Variants in A2ML1 observed in about 807,000 individuals in gnomAD.
A2ML1 encodes the protein alpha-2-macroglobulin like 1.
A2ML1 carries 161 observed loss-of-function variants against 181.9 expected under a neutral mutation model. That is an observed-to-expected ratio of 0.89 (90% confidence interval 0.78 to 1.01). The LOEUF is 1.01. Among genes scored for constraint, A2ML1 ranks in the 50% least tolerant of loss-of-function variants. A2ML1 has a pLI of 0.00. For missense variants in A2ML1, 1,670 were observed against 1,768.1 expected (o/e 0.94, Z 1.00); for synonymous variants, 663 against 666.8 (o/e 0.99, Z 0.09).
At chr12:8,858,528 G>C (rs1399814384) in intron 26 of A2ML1, among the ~76,000 whole-genome samples, 1 of 152,134 alleles carries the variant, frequency 6.6e-6, no homozygotes, top group Admixed American at 6.5e-5. Flanking sequence ...CAAGCCTGCA[G>C]TGAGCCGTGA....
intron 28 of A2ML1, among the ~76,000 whole-genome samples, chr12:8,861,606 G>A (rs1191230894): frequency 2.0e-5 from 3 of 151,978 alleles, no homozygotes; most frequent in Non-Finnish European, 4.4e-5. Flanking sequence ...TCCTGCCTCA[G>A]CCTCCCCAGT....
At position 8,852,383 on chromosome 12, in the gene A2ML1, G is replaced by T; in HGVS notation, c.2590+47G>T. 1 of 1,610,270 alleles carries T rather than the reference G, an allele frequency of 6.2e-7. No individual in the cohort carries two copies. The highest frequency in any genetic ancestry group is 8.5e-7 in the Non-Finnish European group (1 of 1,177,842). On this transcript the variant is annotated intron_variant, in intron 20 of 35. Transcript: ENST00000299698. This position sits in a 1 kb window ranked among gnomAD's most constrained non-coding sequence, Gnocchi z 4.2. The stretch of plus-strand genomic sequence containing the variant: ...CGGGCGAGGAAAGCCAGCAGCAGAA[G>T]ACCAGTGACTGAGCACTCAGTCTTT...
rs1408810942 is a variant in A2ML1, at chr12:8,852,291, G to A, written c.2545G>A (p.Asp849Asn). The A allele has an allele frequency of 3.1e-6, 5 of 1,614,030 alleles. No individual in the cohort carries two copies. In the Admixed American group the frequency reaches 5.0e-5, roughly 16 times the overall value. The change falls in exon 20 of 36, where the codon GAT becomes AAT. Residue 849 changes from aspartate (D) to asparagine (N), a missense_variant. Coordinates refer to ENST00000299698, the MANE Select transcript of A2ML1 (RefSeq NM_144670.6). This position sits in a 1 kb window ranked among gnomAD's most constrained non-coding sequence, Gnocchi z 4.2. Reference protein sequence around the residue: ...DSQTSSCLCADDAKTHHWNIT... With the variant: ...DSQTSSCLCANDAKTHHWNIT... ...TCAGACCTCCAGTTGTCTCTGTGCT[G>A]ATGACGCAAAAACCCACCACTGGAA...
At chr12:8,850,098 A>G in intron 17 of A2ML1, 62 bp from the exon 18 acceptor site, 1 of 1,324,752 alleles carries the variant, frequency 7.5e-7, no homozygotes, top group Admixed American at 2.1e-5. Context: ...CCTCCATCCC[A>G]ATTTATGTCA....
chr12:8,865,724 G>A (rs1213221819), intron 29 of A2ML1, among the ~76,000 whole-genome samples: 1 of 152,038 alleles, frequency 6.6e-6, no homozygotes, highest in African/African-American at 2.4e-5. Flanking sequence ...TGGTGTGGCA[G>A]TATGGAAAAA....
At chr12:8,870,163 A>G (rs1312647983) in intron 33 of A2ML1, among the ~76,000 whole-genome samples, 2 of 152,164 alleles carry the variant, frequency 1.3e-5, no homozygotes, top group Non-Finnish European at 2.9e-5. Context: ...TGTTAGTAAC[A>G]TCCATTTCCA....
intron 29 of A2ML1, among the ~76,000 whole-genome samples, chr12:8,866,044 G>A (rs777037464): frequency 2.0e-5 from 3 of 151,964 alleles, no homozygotes; most frequent in East Asian, 1.9e-4. Flanking sequence ...TAGGCCAGGT[G>A]TGGTGGCTCA....
chr12:8,848,688 A>G (rs754661771), intron 15 of A2ML1, 32 bp from the exon 16 acceptor site: 51 of 1,551,322 alleles, frequency 3.3e-5, no homozygotes, highest in Middle Eastern at 3.4e-4. Flanking sequence ...CACTATATCA[A>G]TGCTTTATTT....
rs1164369726 is a variant in A2ML1 at position 8,822,682 on chromosome 12, G to A, written c.31G>A (p.Ala11Thr). The A allele has an allele frequency of 1.2e-6, 2 of 1,614,154 alleles. No homozygotes were observed. The highest frequency in any genetic ancestry group is 2.7e-5 in the African/African-American group (2 of 75,062). Residue 11 changes from alanine to threonine, a missense_variant, in exon 1 of 36, where the codon GCC (alanine) becomes ACC (threonine). By Grantham distance (58) the Ala-to-Thr change is moderately conservative. Coordinates refer to ENST00000299698, the MANE Select transcript of A2ML1 (RefSeq NM_144670.6). ...GGCTCAGCTCCTTCTAGGAATGTTG[G>A]CCCTATCACCAGCCATTGCAGAAGA... is the stretch of plus-strand genomic sequence containing the variant. MWAQLLLGML[A>T]LSPAIAEELP...
chr12:8,883,985 C>G (rs1347851147), intron 7 of A2ML1, among the ~76,000 whole-genome samples: 1 of 151,958 alleles, frequency 6.6e-6, no homozygotes, highest in African/African-American at 2.4e-5. Flanking sequence ...AGGGTTTCGC[C>G]ATGTTAATCA....
intron 34 of A2ML1, 85 bp from the exon 35 acceptor site, chr12:8,874,886 G>T (rs1944751655): frequency 7.5e-7 from 1 of 1,328,458 alleles, no homozygotes; most frequent in Non-Finnish European, 1.1e-6. Context: ...TCTGGAAGGG[G>T]CTCAAGCAGT....
At chr12:8,823,553 TTTAGTTCCTGACC>T in intron 2 of A2ML1, 154 bp from the exon 3 acceptor site, 1 of 1,075,878 alleles carries the variant, frequency 9.3e-7, no homozygotes, top group Non-Finnish European at 1.3e-6. Flanking sequence ...GATTTCTCCC[TTTAGTTCCTGACC>T]TTAATTCTTC....
At chr12:8,832,443 A>G (rs987751147) in intron 4 of A2ML1, among the ~76,000 whole-genome samples, 1 of 152,180 alleles carries the variant, frequency 6.6e-6, no homozygotes, top group Non-Finnish European at 1.5e-5. Flanking sequence ...TTTTTGGGAA[A>G]GGGCTGTTAT....
At position 8,868,286 on chromosome 12, in the gene A2ML1, T is replaced by C. The variant is rs764427336; in HGVS notation, c.3990T>C (p.Ser1330=). Residue 1330 remains serine, a synonymous_variant, in exon 31 of 36, where the codon AGT becomes AGC. Coordinates refer to ENST00000299698, the MANE Select transcript of A2ML1 (RefSeq NM_144670.6). ...PPTNMKTFSL[S]VEIGKARCEQ... ...CAAATATGAAGACCTTTAGTCTTAGTGTGGAAATAGGAAAAGCTAGATGTG... is the reference window on the plus strand; with the variant it reads ...CAAATATGAAGACCTTTAGTCTTAGCGTGGAAATAGGAAAAGCTAGATGTG... 2 of 1,614,040 alleles carry C rather than the reference T, an allele frequency of 1.2e-6. No homozygotes were observed. Among genetic ancestry groups the C allele is most frequent in the Admixed American group, 1.7e-5 (1 of 59,982 alleles).
intron 3 of A2ML1, among the ~76,000 whole-genome samples, chr12:8,828,328 C>T (rs1006211016): frequency 6.6e-6 from 1 of 152,124 alleles, no homozygotes; most frequent in Non-Finnish European, 1.5e-5. Context: ...AGACAAAGTC[C>T]TTCCCACTCT....
chr12:8,857,253 C>T lies in A2ML1; in HGVS notation c.2938C>T (p.Pro980Ser), dbSNP rs776836191. Reference protein sequence around the residue: ...CGEQNMVLFAPIIYVLQYLEK... With the variant: ...CGEQNMVLFASIIYVLQYLEK... ...CGAGCAGAACATGGTCTTGTTTGCTCCCATCATCTATGTCTTGCAGTACCT... is the reference window on the plus strand; with the variant it reads ...CGAGCAGAACATGGTCTTGTTTGCTTCCATCATCTATGTCTTGCAGTACCT... The change falls in exon 24 of 36, where the codon CCC becomes TCC. Residue 980 changes from proline (P) to serine (S), a missense_variant. Pro to Ser is a moderately conservative substitution (Grantham distance 74, BLOSUM62 -1). Transcript: ENST00000299698. 9 of 1,613,414 alleles carry T rather than the reference C, an allele frequency of 5.6e-6. No individual in the cohort carries two copies.
chr12:8,868,734 C>CAA lies in A2ML1; in HGVS notation c.4152+108_4152+109dup, dbSNP rs34479844. 6.1e-6 allele frequency: 5 copies of CAA among 818,748 alleles called. No individual in the cohort carries two copies. The East Asian group carries it at 1.0e-4, about 17-fold the overall frequency. The allele number at this position is 818,748 out of a possible 1,614,324, so 50.7% of individuals were successfully genotyped here. A position where few individuals can be genotyped will look rare whatever the true frequency, so the allele number is the denominator to read the frequency against. On this transcript the variant is annotated intron_variant, in intron 32 of 35. Transcript: ENST00000299698. ...CATGGCGTGTATACACACACACACA[C>CAA]AAGGCATGTATATACATACATATAT...
At chr12:8,844,153 G>C (rs750610781) in intron 12 of A2ML1, among the ~76,000 whole-genome samples, 5 of 151,852 alleles carry the variant, frequency 3.3e-5, no homozygotes, top group African/African-American at 1.2e-4. Context: ...AATAAAATGA[G>C]GAATTACCTG....
chr12:8,855,659 G>A, intron 23 of A2ML1, 67 bp downstream of exon 23: 1 of 1,498,112 alleles, frequency 6.7e-7, no homozygotes, highest in Non-Finnish European at 9.3e-7. Context: ...GTGTGGAGTG[G>A]GGCGGGACAT....
Sources: allele counts gnomAD v4.1 joint callset (sites outside exome capture counted in the v4.1 genomes callset), GRCh38; gene constraint gnomAD v4.1.1; non-coding constraint Gnocchi (gnomAD v3.1); transcripts MANE v1.5; gene names NCBI Gene and HGNC (gene_info 2026-07-23, HGNC 2026-07-21).